Variants in ZAR1L observed in about 807,000 individuals in gnomAD.
ZAR1L encodes zygote arrest 1 like.
Under a neutral mutation model 30.0 loss-of-function variants are expected in ZAR1L, and 16 were observed. That is an observed-to-expected ratio of 0.53 (90% confidence interval 0.36 to 0.81). The LOEUF is 0.81. Among genes scored for constraint, ZAR1L ranks in the 30% least tolerant of loss-of-function variants. The probability of loss-of-function intolerance (pLI) is 0.00; values close to 1 mark genes in which losing one functional copy is unlikely to be tolerated. For missense variants in ZAR1L, 392 were observed against 417.2 expected (o/e 0.94, Z 0.53); for synonymous variants, 197 against 166.8 (o/e 1.18, Z -1.40).
chr13:32,308,664 TG>T (rs1456996249), intron 5 of ZAR1L, 21 bp downstream of exon 5: 3 of 1,529,948 alleles, frequency 2.0e-6, no homozygotes, highest in African/African-American at 2.8e-5. Context: ...ATAGACACAA[TG>T]GAAGTGTTCC....
intron 5 of ZAR1L, among the ~76,000 whole-genome samples, chr13:32,305,808 T>C (rs1281442353): frequency 6.6e-6 from 1 of 152,156 alleles, no homozygotes. Flanking sequence ...AACCCAGAAA[T>C]AGGTGTGAGC....
chr13:32,310,786 T>C, intron 3 of ZAR1L, 55 bp from the exon 4 acceptor site: 1 of 1,170,146 alleles, frequency 8.5e-7, no homozygotes, highest in Non-Finnish European at 1.2e-6. Context: ...AAAAGCCAGA[T>C]CCTTCTTTAT....
chr13:32,308,459 A>T (rs1247390370), intron 5 of ZAR1L, among the ~76,000 whole-genome samples: 1 of 152,206 alleles, frequency 6.6e-6, no homozygotes, highest in Admixed American at 6.5e-5. Flanking sequence ...TCAGAGGAAA[A>T]ACAAACACAC....
intron 5 of ZAR1L, among the ~76,000 whole-genome samples, chr13:32,305,898 G>A (rs2072171141): frequency 6.6e-6 from 1 of 152,192 alleles, no homozygotes; most frequent in Non-Finnish European, 1.5e-5. Context: ...ACCAGGTACT[G>A]TATGTGAGGA....
At position 32,311,969 on chromosome 13, in the gene ZAR1L, TG is replaced by T; in HGVS notation, c.-45del. ...GCGCAGTCTAATATCCTAGCCAGTTTGTTTGGGTCCTTATTTTGCCTTCCTC... is the reference window on the plus strand; with the variant it reads ...GCGCAGTCTAATATCCTAGCCAGTTTTTTGGGTCCTTATTTTGCCTTCCTC... On this transcript the variant is annotated 5_prime_UTR_variant, in exon 3 of 6. It introduces an in-frame stop codon into an upstream open reading frame of the 5' UTR. Coordinates refer to ENST00000533490, the MANE Select transcript of ZAR1L (RefSeq NM_001136571.2). 2 of 1,482,702 alleles carry T rather than the reference TG, an allele frequency of 1.3e-6. No individual in the cohort carries two copies. Among genetic ancestry groups the T allele is most frequent in the Non-Finnish European group, 1.8e-6 (2 of 1,112,680 alleles). 91.8% of individuals were successfully genotyped at this position (1,482,702 alleles called of 1,614,324 possible).
At position 32,311,396 on chromosome 13, in the gene ZAR1L, C is replaced by CT; in HGVS notation, c.529dup (p.Arg177LysfsTer54). 6.4e-7 allele frequency: 1 copy of CT among 1,550,580 alleles called. No homozygotes were observed. The highest frequency in any genetic ancestry group is 8.7e-7 in the Non-Finnish European group (1 of 1,146,956). ...CTCCAGCTGCCCGGGCTCCTCCTGC[C>CT]TGTCAGCTCCTGACCTCCGTGATGG... On this transcript the variant is annotated frameshift_variant, in exon 3 of 6. Transcript: ENST00000533490. LOFTEE classifies it high-confidence loss of function.
rs1186844492 is a variant in ZAR1L, at chr13:32,311,633, C to T, written c.293G>A (p.Arg98Gln). Reference protein sequence around the residue: ...TKEVGVQVSPRVDKAVQCSLG... With the variant: ...TKEVGVQVSPQVDKAVQCSLG... The stretch of plus-strand genomic sequence containing the variant: ...AGAGCACTGCACAGCCTTGTCCACC[C>T]GCGGGCTCACCTGCACGCCCACCTC... The change falls in exon 3 of 6, where the codon CGG becomes CAG. Residue 98 changes from arginine (R) to glutamine (Q), a missense_variant. Coordinates refer to ENST00000533490, the MANE Select transcript of ZAR1L (RefSeq NM_001136571.2). 9 of 1,551,032 alleles carry T rather than the reference C, an allele frequency of 5.8e-6. No individual in the cohort carries two copies. Among genetic ancestry groups the T allele is most frequent in the East Asian group, 2.4e-5 (1 of 40,928 alleles).
In ZAR1L at chr13:32,311,503, G is replaced by A. The variant is rs2138689620; in HGVS notation, c.423C>T (p.Gly141=). The A allele has an allele frequency of 1.3e-6, 2 of 1,540,994 alleles. No individual in the cohort carries two copies. Among genetic ancestry groups the A allele is most frequent in the Non-Finnish European group, 1.7e-6 (2 of 1,143,210 alleles). ...CCCCATCTCTCCGCAGGCGGATCAAGCCCCTGCGGCCGGTGGCGGGCGAAG... is the reference window on the plus strand; with the variant it reads ...CCCCATCTCTCCGCAGGCGGATCAAACCCCTGCGGCCGGTGGCGGGCGAAG... The part of the protein sequence containing the change: ...GVTSPATGRR[G]LIRLRRDGDE... Residue 141 remains glycine (G), a synonymous_variant, in exon 3 of 6, where the codon GGC becomes GGT. Coordinates refer to ENST00000533490, the MANE Select transcript of ZAR1L (RefSeq NM_001136571.2).
chr13:32,314,709 G>A (rs2072237124), intron 1 of ZAR1L, among the ~76,000 whole-genome samples, 159 bp from the exon 2 acceptor site: 1 of 152,190 alleles, frequency 6.6e-6, no homozygotes, highest in Admixed American at 6.5e-5. Context: ...AAAGTTAGCC[G>A]TGCGTGGTGG....
In ZAR1L at chr13:32,310,730, A is replaced by C. The variant is rs200049845; in HGVS notation, c.656T>G (p.Phe219Cys). ...SEPLRRPNFQ[F>C]LEPKYGYFHC... is the part of the protein sequence containing the mutation. ...GAAATAGCCATATTTTGGTTCCAAA[A>C]ACTGAAAATAAAGAAGAAAAGTACT... The change falls in exon 4 of 6, where the codon TTT becomes TGT. Residue 219 changes from phenylalanine to cysteine, a missense_variant and splice_region_variant. Phe to Cys is a radical substitution (Grantham distance 205). Transcript: ENST00000533490. 6.5e-7 allele frequency: 1 copy of C among 1,547,164 alleles called. No homozygotes were observed. Among genetic ancestry groups the C allele is most frequent in the Non-Finnish European group, 8.7e-7 (1 of 1,142,860 alleles).
Position 32,303,724 on chromosome 13 carries a change from T to C in ZAR1L, c.*155A>G. 1.5e-6 allele frequency: 1 copy of C among 677,142 alleles called. No homozygotes were observed. The highest frequency in any genetic ancestry group is 2.4e-6 in the Non-Finnish European group (1 of 424,646). 41.9% of individuals were successfully genotyped at this position (677,142 alleles called of 1,614,324 possible). A position where few individuals can be genotyped will look rare whatever the true frequency, so the allele number is the denominator to read the frequency against. ...TCTAGTTCACATGCATTTATTTTAT[T>C]CTATTCACATTGTACAATTGTTACA... On this transcript the variant is annotated 3_prime_UTR_variant, in exon 6 of 6. Coordinates refer to ENST00000533490, the MANE Select transcript of ZAR1L (RefSeq NM_001136571.2).
At position 32,311,504 on chromosome 13, in the gene ZAR1L, C is replaced by A; in HGVS notation, c.422G>T (p.Gly141Val). The A allele has an allele frequency of 6.5e-7, 1 of 1,540,896 alleles. No homozygotes were observed. Among genetic ancestry groups the A allele is most frequent in the Non-Finnish European group, 8.7e-7 (1 of 1,143,104 alleles). Residue 141 changes from glycine to valine, a missense_variant, in exon 3 of 6, where the codon GGC (glycine) becomes GTC (valine). Gly to Val is a moderately radical substitution (Grantham distance 109, BLOSUM62 -3). Transcript: ENST00000533490. ...CCCATCTCTCCGCAGGCGGATCAAG[C>A]CCCTGCGGCCGGTGGCGGGCGAAGT... ...GVTSPATGRR[G>V]LIRLRRDGDE...
At position 32,312,092 on chromosome 13, in the gene ZAR1L, C is replaced by T. The variant is rs1379227295; in HGVS notation, c.-167G>A. ...TTCTAATGGGAGCTGCTGCTTATTA[C>T]CCTGATTGAGGGAGAGAAGCTCTAT... On this transcript the variant is annotated splice_region_variant and 5_prime_UTR_variant, in exon 3 of 6. Transcript: ENST00000533490. 1 of 810,484 alleles carries T rather than the reference C, an allele frequency of 1.2e-6. No homozygotes were observed. The highest frequency in any genetic ancestry group is 1.9e-6 in the Non-Finnish European group (1 of 537,276). The allele number at this position is 810,484 out of a possible 1,614,324, so 50.2% of individuals were successfully genotyped here.
chr13:32,311,867 G>A lies in ZAR1L; in HGVS notation c.59C>T (p.Pro20Leu). 1 of 1,551,718 alleles carries A rather than the reference G, an allele frequency of 6.4e-7. No homozygotes were observed. Among genetic ancestry groups the A allele is most frequent in the Non-Finnish European group, 8.7e-7 (1 of 1,147,000 alleles). Reference protein sequence around the residue: ...GLYQGYGSTVPLGQPGLSGHK... With the variant: ...GLYQGYGSTVLLGQPGLSGHK... ...CCCTGAGAGTCCAGGCTGGCCCAAA[G>A]GCACTGTGCTCCCATAACCCTGGTA... Residue 20 changes from proline (P) to leucine (L), a missense_variant, in exon 3 of 6, where the codon CCT (proline) becomes CTT (leucine). Coordinates refer to ENST00000533490, the MANE Select transcript of ZAR1L (RefSeq NM_001136571.2).
intron 5 of ZAR1L, among the ~76,000 whole-genome samples, chr13:32,306,586 A>G (rs2072176864): frequency 6.6e-6 from 1 of 152,180 alleles, no homozygotes. Flanking sequence ...GGCAGAAAGA[A>G]GTATTTCCAA....
Position 32,310,733 on chromosome 13 carries a change from T to G in ZAR1L, c.655-2A>C. ...ATAGCCATATTTTGGTTCCAAAAAC[T>G]GAAAATAAAGAAGAAAAGTACTTTA... is the stretch of plus-strand genomic sequence containing the variant. On this transcript the variant is annotated splice_acceptor_variant, in intron 3 of 5. Transcript: ENST00000533490. LOFTEE classifies it high-confidence loss of function. 6.5e-7 allele frequency: 1 copy of G among 1,545,140 alleles called. No individual in the cohort carries two copies. Among genetic ancestry groups the G allele is most frequent in the South Asian group, 1.2e-5 (1 of 83,916 alleles).
chr13:32,308,924 G>A (rs2072194231), intron 4 of ZAR1L, among the ~76,000 whole-genome samples, 164 bp from the exon 5 acceptor site: 2 of 149,532 alleles, frequency 1.3e-5, no homozygotes, highest in Admixed American at 1.3e-4. Flanking sequence ...GGGGTTTCAA[G>A]GTGTACTAGT....
At chr13:32,308,311 A>G (rs1451546148) in intron 5 of ZAR1L, among the ~76,000 whole-genome samples, 1 of 152,230 alleles carries the variant, frequency 6.6e-6, no homozygotes, top group Non-Finnish European at 1.5e-5. Context: ...CAGATCTATA[A>G]AATAGGAATA....
In ZAR1L at chr13:32,311,452, C is replaced by T; in HGVS notation, c.474G>A (p.Pro158=). 5 of 1,547,580 alleles carry T rather than the reference C, an allele frequency of 3.2e-6. No individual in the cohort carries two copies. Among genetic ancestry groups the T allele is most frequent in the Non-Finnish European group, 4.4e-6 (5 of 1,146,826 alleles). The change falls in exon 3 of 6, where the codon CCG becomes CCA. Residue 158 remains proline (P), a synonymous_variant. Transcript: ENST00000533490. ...DGDEAESKAL[P]GPAEASQPQP... is the part of the protein sequence containing the mutation. ...GCGGCTGGCTGGCCTCCGCAGGGCC[C>T]GGGAGCGCCTTGCTCTCCGCTTCGT...
Sources: gnomAD v4.1 joint callset for allele counts (sites outside exome capture counted in the v4.1 genomes callset) on GRCh38, gnomAD v4.1.1 for gene constraint, MANE v1.5 for transcripts, NCBI Gene and HGNC (gene_info 2026-07-23, HGNC 2026-07-21) for gene names.